The following ZNF782 variants were observed in gnomAD, a reference collection of about 807,000 sequenced individuals.
ZNF782 encodes the protein zinc finger protein 782.
A neutral mutation model predicts 13.0 loss-of-function variants in ZNF782; 12 were observed. That is an observed-to-expected ratio of 0.92 (90% CI 0.59 to 1.50). The LOEUF (loss-of-function observed/expected upper bound fraction) is 1.50. Ranked by LOEUF, ZNF782 falls within the 40% of genes most tolerant of loss-of-function variation. The pLI, the probability that ZNF782 is intolerant of heterozygous loss-of-function variation, is 0.00. For synonymous variants in ZNF782, 284 were observed against 283.0 expected, an observed-to-expected ratio of 1.00 and a Z score of -0.04; for missense variants, 770 against 822.9, an observed-to-expected ratio of 0.94 and a Z score of 0.79.
chr9:96,902,069 G>T, the ZNF782 span, among the ~76,000 whole-genome samples: 2 of 151,986 alleles, frequency 1.3e-5, no homozygotes, highest in Non-Finnish European at 2.9e-5. Context: ...TCAAAGTGTG[G>T]CACAGGCAAC....
intron 5 of ZNF782, among the ~76,000 whole-genome samples, chr9:96,825,948 GT>G (rs1850602923): frequency 6.6e-6 from 1 of 151,506 alleles, no homozygotes; most frequent in Non-Finnish European, 1.5e-5. Flanking sequence ...TACACTGTTG[GT>G]GGGACTGTAA....
chr9:96,859,662 G>A (rs772923816), intron 3 of ZNF782, among the ~76,000 whole-genome samples: 3 of 152,198 alleles, frequency 2.0e-5, no homozygotes, highest in Non-Finnish European at 4.4e-5. Context: ...ACTCAGAGAT[G>A]TGCTGGCATC....
the ZNF782 span, among the ~76,000 whole-genome samples, chr9:96,885,603 T>C: frequency 1.4e-4 from 22 of 152,130 alleles, no homozygotes; most frequent in Admixed American, 1.4e-3. Flanking sequence ...TGTCTCAAAT[T>C]TGGGAAAAGA....
the ZNF782 span, among the ~76,000 whole-genome samples, chr9:96,930,872 G>GTTTTT: frequency 1.4e-3 from 103 of 72,722 alleles, 24 homozygotes; most frequent in African/African-American, 3.0e-3. Flanking sequence ...CCATCCAGTG[G>GTTTTT]TTTTTTTTTT....
chr9:96,931,482 G>C, the ZNF782 span, among the ~76,000 whole-genome samples: 22 of 151,738 alleles, frequency 1.4e-4, no homozygotes, highest in African/African-American at 5.3e-4. Flanking sequence ...AGACAGCAAA[G>C]GCTTGGCTGT....
chr9:96,854,866 CATTACTTTTGTGAACTGTGAAAAAAA>C (rs1851617932), upstream of ZNF782, among the ~76,000 whole-genome samples: 1 of 151,660 alleles, frequency 6.6e-6, no homozygotes, highest in African/African-American at 2.4e-5. Context: ...AAAAAAGTAC[CATTACTTTTGTGAACTGTGAAAAAAA>C]ATTAAGAATT....
chr9:96,817,948 T>C lies in ZNF782; in HGVS notation c.2075A>G (p.His692Arg). The C allele has an allele frequency of 6.3e-7, 1 of 1,574,812 alleles. No homozygotes were observed. The highest frequency in any genetic ancestry group is 8.6e-7 in the Non-Finnish European group (1 of 1,164,640). ...TFSQKSSLRE[H>R]QKAHPGD Reference sequence around the variant, plus strand: ...TTAATCCCCTGGGTGGGCTTTCTGATGTTCTCTAAGGCTTGATTTTTGACT... The same window carrying C: ...TTAATCCCCTGGGTGGGCTTTCTGACGTTCTCTAAGGCTTGATTTTTGACT... The change falls in exon 6 of 6, where the codon CAT (histidine) becomes CGT (arginine). Residue 692 changes from histidine (H) to arginine (R), a missense_variant. Physicochemically the swap from His to Arg is conservative, Grantham distance 29. Coordinates refer to ENST00000481138, the MANE Select transcript of ZNF782 (RefSeq NM_001001662.3).
chr9:96,887,119 G>A, the ZNF782 span, among the ~76,000 whole-genome samples: 2 of 151,790 alleles, frequency 1.3e-5, no homozygotes, highest in Admixed American at 1.3e-4. Context: ...TTTGAGATCA[G>A]CCTGGCCAAC....
the ZNF782 span, chr9:96,903,002 C>G: frequency 6.7e-6 from 1 of 149,402 alleles, no homozygotes; most frequent in South Asian, 2.1e-4. Flanking sequence ...GGGGTTTTGC[C>G]ATGTTGCCCA....
Position 96,827,153 on chromosome 9 carries a change from G to T in ZNF782, c.171C>A (p.Ile57=). Reference sequence around the variant, plus strand: ...GATCTTCTCCTTGTTCCAATGTGAAGATCAGTTCTGGTTTTGTAAAGCAGT... The same window carrying T: ...GATCTTCTCCTTGTTCCAATGTGAATATCAGTTCTGGTTTTGTAAAGCAGT... ...VGYCFTKPEL[I]FTLEQGEDPW... Residue 57 remains isoleucine, a synonymous_variant, in exon 5 of 6, where the codon ATC becomes ATA. Coordinates refer to ENST00000481138, the MANE Select transcript of ZNF782 (RefSeq NM_001001662.3). 1 of 1,612,016 alleles carries T rather than the reference G, an allele frequency of 6.2e-7. No individual in the cohort carries two copies. Among genetic ancestry groups the T allele is most frequent in the Non-Finnish European group, 8.5e-7 (1 of 1,179,176 alleles).
chr9:96,827,087 G>C lies in ZNF782; in HGVS notation c.237C>G (p.Asn79Lys). 1.9e-6 allele frequency: 3 copies of C among 1,608,608 alleles called. No homozygotes were observed. The South Asian group carries it at 3.3e-5, about 18-fold the overall frequency. Residue 79 changes from asparagine (N) to lysine (K), a missense_variant, in exon 5 of 6, where the codon AAC (asparagine) becomes AAG (lysine). Transcript: ENST00000481138. ...TTGAATTCAGTAACTCACCTGGGGA[G>C]TTCCTGCTTAGAAATCCTTTCTCTT... ...LEKEKGFLSRNSPEDSQPDEI... is the reference protein window; with the variant it reads ...LEKEKGFLSRKSPEDSQPDEI...
At chr9:96,927,045 G>A in the ZNF782 span, among the ~76,000 whole-genome samples, 2 of 152,092 alleles carry the variant, frequency 1.3e-5, no homozygotes, top group South Asian at 4.1e-4. Flanking sequence ...CACAGAACAT[G>A]AGTGCTCTTT....
chr9:96,860,530 C>G (rs1444208318), intron 2 of ZNF782: 1 of 152,138 alleles, frequency 6.6e-6, no homozygotes, highest in Non-Finnish European at 1.5e-5. Flanking sequence ...TGTGGTGCCT[C>G]CACAAGTCTG....
chr9:96,930,871 G>GTTTTTTTTTTTTTTTTTTTT, the ZNF782 span, among the ~76,000 whole-genome samples: 1 of 104,404 alleles, frequency 9.6e-6, no homozygotes, highest in African/African-American at 3.7e-5. Flanking sequence ...TCCATCCAGT[G>GTTTTTTTTTTTTTTTTTTTT]GTTTTTTTTT....
upstream of ZNF782, among the ~76,000 whole-genome samples, chr9:96,879,212 G>C (rs1851932645): frequency 6.6e-6 from 1 of 152,216 alleles, no homozygotes; most frequent in Admixed American, 6.5e-5. Flanking sequence ...ACTTAGGCCG[G>C]GCGCAGTGGC....
chr9:96,829,554 G>C (rs1264784197), intron 4 of ZNF782, among the ~76,000 whole-genome samples: 1 of 152,104 alleles, frequency 6.6e-6, no homozygotes, highest in Non-Finnish European at 1.5e-5. Context: ...ATAATTTATA[G>C]AAGTAGATTA....
rs923996038 is a variant in ZNF782 at position 96,866,587 on chromosome 9, T to C, written c.-456-4984A>G. ...GGTCGGAGCCCCCATACAGAGTCGC[T>C]ACCTGGGCACCGCCTTGTGGAGCTA... On this transcript the variant is annotated intron_variant, in intron 1 of 5. Transcript: ENST00000498811. 5.3e-5 allele frequency among the ~76,000 whole-genome samples: 8 copies of C among 152,268 alleles called. No individual in the cohort carries two copies. In the East Asian group the frequency reaches 1.5e-3, roughly 29 times the overall value.
At chr9:96,831,202 C>T (rs998138005) in intron 4 of ZNF782, among the ~76,000 whole-genome samples, 1 of 152,080 alleles carries the variant, frequency 6.6e-6, no homozygotes, top group South Asian at 2.1e-4. Context: ...AGGAGTTGGG[C>T]TGACTTTATA....
At chr9:96,897,658 C>T in the ZNF782 span, among the ~76,000 whole-genome samples, 16 of 151,012 alleles carry the variant, frequency 1.1e-4, no homozygotes, top group African/African-American at 3.7e-4. Context: ...GTTAGGAGGC[C>T]CCTGAATATG....
Sources: allele counts gnomAD v4.1 joint callset (sites outside exome capture counted in the v4.1 genomes callset), GRCh38; gene constraint gnomAD v4.1.1; transcripts MANE v1.5; gene names NCBI Gene and HGNC (gene_info 2026-07-23, HGNC 2026-07-21).